CSGALNACT1: variants seen among roughly 807,000 people sequenced by gnomAD.
The protein encoded by CSGALNACT1 is beta4GalNAcT-1.
In CSGALNACT1, 52 loss-of-function variants were observed where a neutral mutation model predicts 51.0. That is an observed-to-expected ratio of 1.02 (90% confidence interval 0.82 to 1.29). CSGALNACT1 has a LOEUF of 1.29. CSGALNACT1 is among the 50% of genes most tolerant of loss of function. The probability of loss-of-function intolerance (pLI) is 0.00; values close to 1 mark genes in which losing one functional copy is unlikely to be tolerated. For missense variants in CSGALNACT1, 935 were observed against 679.2 expected, an observed-to-expected ratio of 1.38 and a Z score of -4.19; for synonymous variants, 341 against 254.4, an observed-to-expected ratio of 1.34 and a Z score of -3.24.
chr8:19,417,831 C>G (rs962916422), intron 8 of CSGALNACT1, among the ~76,000 whole-genome samples: 4 of 152,200 alleles, frequency 2.6e-5, no homozygotes, highest in African/African-American at 7.2e-5. Context: ...TTTTCCCTCT[C>G]TGCCAATGCT....
rs376706531 is a variant in CSGALNACT1, at chr8:19,481,816, T to C, written c.635-23174A>G. Among the ~76,000 whole-genome samples the C allele has an allele frequency of 1.6e-3, 247 of 152,274 alleles. 2 individuals are homozygous for C. The highest frequency in any genetic ancestry group is 5.7e-3 in the African/African-American group (238 of 41,556). On this transcript the variant is annotated intron_variant, in intron 4 of 9. Coordinates refer to ENST00000454498, the Ensembl canonical transcript of CSGALNACT1. The stretch of plus-strand genomic sequence containing the variant: ...ACCCAGACTTAAGCCAACAAACATG[T>C]ATCAAACCCATCTTATGTGCAAAGC...
intron 3 of CSGALNACT1, among the ~76,000 whole-genome samples, chr8:19,554,836 T>C (rs1240861915): frequency 1.3e-5 from 2 of 152,082 alleles, no homozygotes; most frequent in African/African-American, 4.8e-5. Context: ...GATAATCACT[T>C]GAACCTGGGA....
At chr8:19,521,473 AG>A (rs1221187112) in intron 3 of CSGALNACT1, among the ~76,000 whole-genome samples, 2 of 152,204 alleles carry the variant, frequency 1.3e-5, no homozygotes, top group African/African-American at 4.8e-5. Context: ...ACTTGAGGTC[AG>A]GAGTTTGAGA....
chr8:19,535,159 T>C (rs2083491615), intron 3 of CSGALNACT1, among the ~76,000 whole-genome samples: 1 of 152,042 alleles, frequency 6.6e-6, no homozygotes, highest in South Asian at 2.1e-4. Flanking sequence ...CAAATTATCA[T>C]CCCTGTGCCT....
intron 3 of CSGALNACT1, among the ~76,000 whole-genome samples, chr8:19,586,588 A>G (rs1015762004): frequency 6.6e-6 from 1 of 152,100 alleles, no homozygotes; most frequent in Non-Finnish European, 1.5e-5. Flanking sequence ...AGATTTTTTT[A>G]AAGCTCCAAA....
Position 19,404,904 on chromosome 8 carries a change from G to A in CSGALNACT1, c.*876C>T, listed in dbSNP as rs756932638. On this transcript the variant is annotated 3_prime_UTR_variant, in exon 10 of 10. Transcript: ENST00000454498. ...TACTCTTCAGAGAAAGTATCTGTAC[G>A]TCTGTATTAGTACAAACCATTCCTT... 18 of 454,156 alleles carry A rather than the reference G, an allele frequency of 4.0e-5. No homozygotes were observed. In the East Asian group the frequency reaches 5.6e-4, roughly 14 times the overall value. 28.1% of individuals were successfully genotyped at this position (454,156 alleles called of 1,614,324 possible).
chr8:19,636,895 T>A (rs1434407503), intron 1 of CSGALNACT1, among the ~76,000 whole-genome samples: 1 of 152,030 alleles, frequency 6.6e-6, no homozygotes, highest in Admixed American at 6.6e-5. Flanking sequence ...CTATTTTCAT[T>A]AAAGAGTCTT....
intron 1 of CSGALNACT1, among the ~76,000 whole-genome samples, chr8:19,725,082 T>C (rs997673324): frequency 1.3e-5 from 2 of 152,184 alleles, no homozygotes; most frequent in African/African-American, 4.8e-5. Flanking sequence ...TATTGCTGTT[T>C]AACCTGATGC....
intron 8 of CSGALNACT1, among the ~76,000 whole-genome samples, chr8:19,416,461 G>A (rs900893190): frequency 6.6e-6 from 1 of 152,114 alleles, no homozygotes; most frequent in East Asian, 1.9e-4. Context: ...GTCTACAGTG[G>A]TTATAAAGTC....
At chr8:19,472,572 C>T (rs1422139813) in intron 4 of CSGALNACT1, among the ~76,000 whole-genome samples, 1 of 152,208 alleles carries the variant, frequency 6.6e-6, no homozygotes, top group East Asian at 1.9e-4. Flanking sequence ...GTTGCAAATG[C>T]TATGCTCCCA....
At chr8:19,520,043 G>A (rs1267551258) in intron 3 of CSGALNACT1, among the ~76,000 whole-genome samples, 1 of 152,152 alleles carries the variant, frequency 6.6e-6, no homozygotes. Flanking sequence ...TAGGTGAGAG[G>A]GGTTAAGAAT....
chr8:19,729,078 T>C (rs2063552879), intron 1 of CSGALNACT1, among the ~76,000 whole-genome samples: 1 of 151,790 alleles, frequency 6.6e-6, no homozygotes, highest in Non-Finnish European at 1.5e-5. Flanking sequence ...CGTGGATAAG[T>C]CCTTAACAAT....
chr8:19,631,271 A>C (rs369551755), intron 1 of CSGALNACT1, among the ~76,000 whole-genome samples: 2 of 152,082 alleles, frequency 1.3e-5, no homozygotes, highest in Non-Finnish European at 1.5e-5. Context: ...GAAAAAAAAA[A>C]CTGCCAAACT....
chr8:19,747,592 C>G (rs1391889822), intron 1 of CSGALNACT1, among the ~76,000 whole-genome samples: 1 of 152,204 alleles, frequency 6.6e-6, no homozygotes, highest in Non-Finnish European at 1.5e-5. Flanking sequence ...CTCGATCCAA[C>G]AAAGTGACTA....
intron 5 of CSGALNACT1, among the ~76,000 whole-genome samples, chr8:19,446,749 G>A (rs1227119580): frequency 6.6e-6 from 1 of 152,118 alleles, no homozygotes; most frequent in Non-Finnish European, 1.5e-5. Flanking sequence ...CCTGACCTCG[G>A]GTGAGCCACT....
intron 1 of CSGALNACT1, among the ~76,000 whole-genome samples, chr8:19,716,662 C>A (rs1404765780): frequency 7.2e-6 from 1 of 139,002 alleles, no homozygotes; most frequent in East Asian, 2.2e-4. Context: ...TGAGGTGGTG[C>A]ACACCTATAA....
chr8:19,425,934 C>T (rs568877659), intron 6 of CSGALNACT1, among the ~76,000 whole-genome samples: 7 of 152,264 alleles, frequency 4.6e-5, no homozygotes, highest in East Asian at 3.9e-4. Context: ...ACTTACAGTG[C>T]GCACTCTGAG....
intron 1 of CSGALNACT1, among the ~76,000 whole-genome samples, chr8:19,736,239 A>C (rs1341147990): frequency 6.6e-6 from 1 of 152,194 alleles, no homozygotes; most frequent in East Asian, 1.9e-4. Context: ...TGTTTTTATA[A>C]ATAAAGTTTT....
intron 2 of CSGALNACT1, among the ~76,000 whole-genome samples, chr8:19,597,906 A>G (rs1240343354): frequency 2.0e-5 from 3 of 152,256 alleles, no homozygotes; most frequent in Non-Finnish European, 4.4e-5. Context: ...TCTAACCAGT[A>G]AATAATTATG....
Sources: allele counts gnomAD v4.1 joint callset (sites outside exome capture counted in the v4.1 genomes callset), GRCh38; gene constraint gnomAD v4.1.1; transcripts MANE v1.5; gene names NCBI Gene and HGNC (gene_info 2026-07-23, HGNC 2026-07-21).